Variants in TMEM43 observed in about 807,000 individuals in gnomAD.
The protein encoded by TMEM43 is transmembrane protein 43.
Under a neutral mutation model 49.6 loss-of-function variants are expected in TMEM43, and 45 were observed. The observed-to-expected ratio is 0.91, with a 90% confidence interval of 0.71 to 1.16. TMEM43 has a LOEUF of 1.16. Among genes scored for constraint, TMEM43 ranks in the 50% most tolerant of loss-of-function variants. The probability of loss-of-function intolerance (pLI) is 0.00; values close to 1 mark genes in which losing one functional copy is unlikely to be tolerated. For synonymous variants in TMEM43, 199 were observed against 207.8 expected, an observed-to-expected ratio of 0.96 and a Z score of 0.36; for missense variants, 532 against 516.6, an observed-to-expected ratio of 1.03 and a Z score of -0.29.
chr3:14,139,235 C>A lies in TMEM43; in HGVS notation c.938C>A (p.Ala313Glu), dbSNP rs1414806628. ...SNSMKTWGLR[A>E]AGWMAMFMGL... ...TCCATGAAGACCTGGGGCCTGCGGGCAGCTGGCTGGATGGCCATGTTCATG... is the reference window on the plus strand; with the variant it reads ...TCCATGAAGACCTGGGGCCTGCGGGAAGCTGGCTGGATGGCCATGTTCATG... Residue 313 changes from alanine to glutamate, a missense_variant, in exon 11 of 12, where the codon GCA becomes GAA. Coordinates refer to ENST00000306077, the MANE Select transcript of TMEM43 (RefSeq NM_024334.3). 2 of 1,614,082 alleles carry A rather than the reference C, an allele frequency of 1.2e-6. No homozygotes were observed. The highest frequency in any genetic ancestry group is 1.7e-6 in the Non-Finnish European group (2 of 1,180,036).
intron 11 of TMEM43, among the ~76,000 whole-genome samples, chr3:14,141,070 TGAG>T (rs1222154326): frequency 6.6e-6 from 1 of 152,240 alleles, no homozygotes; most frequent in Non-Finnish European, 1.5e-5. Flanking sequence ...GTGAGATTCT[TGAG>T]GAGAGGCCAA....
In TMEM43 at chr3:14,135,210, C is replaced by G. The variant is rs754105679; in HGVS notation, c.758C>G (p.Pro253Arg). The change falls in exon 9 of 12, where the codon CCT becomes CGT. Residue 253 changes from proline (P) to arginine (R), a missense_variant. Physicochemically the swap from Pro to Arg is moderately radical, Grantham distance 103. Coordinates refer to ENST00000306077, the MANE Select transcript of TMEM43 (RefSeq NM_024334.3). ...FSYAGLSGDDPDLGPAHVVTV... is the reference protein window; with the variant it reads ...FSYAGLSGDDRDLGPAHVVTV... The stretch of plus-strand genomic sequence containing the variant: ...TATGCTGGACTGAGCGGCGATGACC[C>G]TGACCTGGGCCCAGCTCACGTGGTA... 6.2e-7 allele frequency: 1 copy of G among 1,612,576 alleles called. No individual in the cohort carries two copies. Among genetic ancestry groups the G allele is most frequent in the African/African-American group, 1.3e-5 (1 of 75,046 alleles).
intron 2 of TMEM43, 94 bp from the exon 3 acceptor site, chr3:14,130,728 C>T (rs1223577882): frequency 1.3e-5 from 20 of 1,492,216 alleles, no homozygotes; most frequent in South Asian, 1.3e-4. Flanking sequence ...TCAGCGCTCC[C>T]GGAGGCCCCA....
intron 8 of TMEM43, 54 bp downstream of exon 8, chr3:14,134,945 G>A: frequency 1.9e-6 from 3 of 1,612,454 alleles, no homozygotes; most frequent in Non-Finnish European, 2.5e-6. Flanking sequence ...GCTAGGATCA[G>A]GTTCCTGCGC....
At chr3:14,128,631 A>G (rs1378751557) in intron 1 of TMEM43, among the ~76,000 whole-genome samples, 3 of 152,232 alleles carry the variant, frequency 2.0e-5, no homozygotes, top group African/African-American at 7.2e-5. Context: ...CACAAGGGCT[A>G]GCACTGCCCT....
At position 14,133,723 on chromosome 3, in the gene TMEM43, T is replaced by G. The variant is rs758494973; in HGVS notation, c.513-16T>G. On this transcript the variant is annotated splice_polypyrimidine_tract_variant and intron_variant, in intron 6 of 11. Transcript: ENST00000306077. The stretch of plus-strand genomic sequence containing the variant: ...CACACCGGTGCCCATCTCTGACAGC[T>G]TCCTCTCTCCCACAGTGCCATGGCA... 18 of 1,613,898 alleles carry G rather than the reference T, an allele frequency of 1.1e-5. No individual in the cohort carries two copies. The highest frequency in any genetic ancestry group is 1.5e-5 in the Non-Finnish European group (18 of 1,179,778).
rs1357443249 is a variant in TMEM43, at chr3:14,143,250, TTAAG to T, written c.*1458_*1461del. On this transcript the variant is annotated 3_prime_UTR_variant, in exon 12 of 12. Transcript: ENST00000306077. ...CTGCTGGGAGTAATTCCTTTAGCAA[TTAAG>T]TATTTGGTAGCTGAATAAGGGGTCA... 9.2e-5 allele frequency: 14 copies of T among 152,362 alleles called. No homozygotes were observed. Among genetic ancestry groups the T allele is most frequent in the African/African-American group, 3.4e-4 (14 of 41,580 alleles). 9.4% of individuals were successfully genotyped at this position (152,362 alleles called of 1,614,324 possible).
In TMEM43 at chr3:14,141,757, G is replaced by T. The variant is rs1308027129; in HGVS notation, c.1165G>T (p.Val389Phe). ...IAGLALVPILVARTRVPAKKL... is the reference protein window; with the variant it reads ...IAGLALVPILFARTRVPAKKL... Reference sequence around the variant, plus strand: ...CGGCCTGGCCCTTGTGCCCATCCTTGTTGCTCGGACACGGGTGCCAGCCAA... The same window carrying T: ...CGGCCTGGCCCTTGTGCCCATCCTTTTTGCTCGGACACGGGTGCCAGCCAA... Residue 389 changes from valine (V) to phenylalanine (F), a missense_variant, in exon 12 of 12, where the codon GTT (valine) becomes TTT (phenylalanine). By Grantham distance (50) the Val-to-Phe change is conservative. Transcript: ENST00000306077. 2 of 1,614,012 alleles carry T rather than the reference G, an allele frequency of 1.2e-6. No homozygotes were observed. Among genetic ancestry groups the T allele is most frequent in the African/African-American group, 1.3e-5 (1 of 75,038 alleles).
At chr3:14,130,986 A>T in intron 3 of TMEM43, 30 bp downstream of exon 3, 4 of 1,599,214 alleles carry the variant, frequency 2.5e-6, no homozygotes. Context: ...CTGACCTGCC[A>T]GTGGCTCGGG....
intron 5 of TMEM43, 120 bp from the exon 6 acceptor site, chr3:14,132,746 C>A: frequency 7.3e-7 from 1 of 1,370,512 alleles, no homozygotes; most frequent in Non-Finnish European, 1.0e-6. Flanking sequence ...GCTTTCCCAC[C>A]CATCCATTGA....
chr3:14,141,605 C>T lies in TMEM43; in HGVS notation c.1013C>T (p.Pro338Leu), dbSNP rs17856369. ...CTCCTTTCCACAGTGGACTGGTTTC[C>T]TGTTTTCCGAGACCTGGTCAACATT... ...RILYTLVDWFPVFRDLVNIGL... is the reference protein window; with the variant it reads ...RILYTLVDWFLVFRDLVNIGL... Residue 338 changes from proline (P) to leucine (L), a missense_variant, in exon 12 of 12, where the codon CCT becomes CTT. By Grantham distance (98) the Pro-to-Leu change is moderately conservative (BLOSUM62 -3). Transcript: ENST00000306077. 9.9e-6 allele frequency: 16 copies of T among 1,614,160 alleles called. No homozygotes were observed. The highest frequency in any genetic ancestry group is 1.4e-5 in the Non-Finnish European group (16 of 1,180,026).
rs759720857 is a variant in TMEM43, at chr3:14,129,410, A to C, written c.13-2A>C. 1.9e-6 allele frequency: 3 copies of C among 1,609,402 alleles called. No homozygotes were observed. Among genetic ancestry groups the C allele is most frequent in the Non-Finnish European group, 2.5e-6 (3 of 1,177,798 alleles). ...ATTCTGTTACTGTTTCTTTTTCTTC[A>C]GTATTCCAGTACCAGTACCCGGAGA... On this transcript the variant is annotated splice_acceptor_variant, in intron 1 of 11. Coordinates refer to ENST00000306077, the MANE Select transcript of TMEM43 (RefSeq NM_024334.3). LOFTEE classifies it high-confidence loss of function.
At chr3:14,137,685 C>G (rs1328140984) in intron 10 of TMEM43, among the ~76,000 whole-genome samples, 2 of 152,258 alleles carry the variant, frequency 1.3e-5, no homozygotes, top group African/African-American at 4.8e-5. Context: ...GGCACTGCCT[C>G]CCACCTGCTA....
Position 14,134,696 on chromosome 3 carries a change from G to C in TMEM43, c.584-74G>C. 7 of 1,604,336 alleles carry C rather than the reference G, an allele frequency of 4.4e-6. No individual in the cohort carries two copies. In the Admixed American group the frequency reaches 1.2e-4, roughly 27 times the overall value. On this transcript the variant is annotated intron_variant, in intron 7 of 11. Coordinates refer to ENST00000306077, the MANE Select transcript of TMEM43 (RefSeq NM_024334.3). Reference sequence around the variant, plus strand: ...AGGCTCCAGGGGTGCAGTGGAAGGGGGTCAGGCCAGGGACTTTGCAGATTG... The same window carrying C: ...AGGCTCCAGGGGTGCAGTGGAAGGGCGTCAGGCCAGGGACTTTGCAGATTG...
chr3:14,131,128 G>A (rs569853307), intron 3 of TMEM43, among the ~76,000 whole-genome samples, 172 bp downstream of exon 3: 4 of 152,318 alleles, frequency 2.6e-5, no homozygotes, highest in South Asian at 2.1e-4. Context: ...CAGTGTCTTC[G>A]TGTATAAAAT....
At chr3:14,139,148 G>A (rs1695215523) in intron 10 of TMEM43, 32 bp from the exon 11 acceptor site, 1 of 1,534,070 alleles carries the variant, frequency 6.5e-7, no homozygotes, top group South Asian at 1.1e-5. Context: ...CTGGCCCTCA[G>A]CATCCTGACC....
chr3:14,132,930 C>T lies in TMEM43; in HGVS notation c.507C>T (p.Asn169=), dbSNP rs1190919354. ...TCGACCGAGAGATTGGCCACAAAAA[C>T]CCCAGGTGAGAGCCAGGCCCAAGGC... The part of the protein sequence containing the change: ...KNFDREIGHK[N]PSAMAVESFM... Residue 169 remains asparagine, a synonymous_variant, in exon 6 of 12, where the codon AAC becomes AAT. Coordinates refer to ENST00000306077, the MANE Select transcript of TMEM43 (RefSeq NM_024334.3). 2 of 1,613,684 alleles carry T rather than the reference C, an allele frequency of 1.2e-6. No individual in the cohort carries two copies. The highest frequency in any genetic ancestry group is 2.2e-5 in the South Asian group (2 of 91,032).
At chr3:14,139,961 C>A (rs959206504) in intron 11 of TMEM43, among the ~76,000 whole-genome samples, 2 of 152,130 alleles carry the variant, frequency 1.3e-5, no homozygotes, top group Non-Finnish European at 2.9e-5. Context: ...TGGGGTTCCT[C>A]GGAGGACTCT....
chr3:14,139,337 C>G, intron 11 of TMEM43, 40 bp downstream of exon 11: 1 of 1,376,794 alleles, frequency 7.3e-7, no homozygotes, highest in Non-Finnish European at 1.0e-6. Flanking sequence ...CTCCTGCACC[C>G]TGAAAGGGCC....
Sources: gnomAD v4.1 joint callset for allele counts (sites outside exome capture counted in the v4.1 genomes callset) on GRCh38, gnomAD v4.1.1 for gene constraint, MANE v1.5 for transcripts, NCBI Gene and HGNC (gene_info 2026-07-23, HGNC 2026-07-21) for gene names.